Variants in LRMDA observed in about 807,000 individuals in gnomAD.
LRMDA encodes leucine rich melanocyte differentiation associated.
In LRMDA, 18 loss-of-function variants were observed where a neutral mutation model predicts 29.8. The observed-to-expected ratio is 0.60, with a 90% confidence interval of 0.42 to 0.90. LRMDA has a LOEUF of 0.90. Among genes scored for constraint, LRMDA ranks in the 40% least tolerant of loss-of-function variants. The pLI is 0.00. For synonymous variants in LRMDA, 125 were observed against 109.4 expected, an observed-to-expected ratio of 1.14 and a Z score of -0.89; for missense variants, 273 against 273.9, an observed-to-expected ratio of 1.00 and a Z score of 0.02.
At position 76,190,216 on chromosome 10, in the gene LRMDA, A is replaced by C. The variant is rs189478742; in HGVS notation, c.516+131433A>C. Reference sequence around the variant, plus strand: ...AAGTAATTAAACAATGATTACATTTAATTAAATTAGGATTTAAAAAAAAAA... The same window carrying C: ...AAGTAATTAAACAATGATTACATTTCATTAAATTAGGATTTAAAAAAAAAA... On this transcript the variant is annotated intron_variant, in intron 5 of 6. Coordinates refer to ENST00000611255, the MANE Select transcript of LRMDA (RefSeq NM_001305581.2). 7.2e-5 allele frequency among the ~76,000 whole-genome samples: 11 copies of C among 152,254 alleles called. No individual in the cohort carries two copies. The East Asian group carries it at 2.1e-3, about 29-fold the overall frequency.
At chr10:75,831,558 C>A (rs1436225567) in intron 2 of LRMDA, among the ~76,000 whole-genome samples, 3 of 152,166 alleles carry the variant, frequency 2.0e-5, no homozygotes, top group Non-Finnish European at 4.4e-5. Flanking sequence ...GTTGGTGGAT[C>A]TACCATTCTG....
chr10:76,398,565 G>A (rs1841814670), intron 6 of LRMDA, among the ~76,000 whole-genome samples: 1 of 152,128 alleles, frequency 6.6e-6, no homozygotes, highest in African/African-American at 2.4e-5. Context: ...TGCTGATTGG[G>A]CCAGAAAGAA....
chr10:75,881,945 A>T (rs1322422403), intron 2 of LRMDA, among the ~76,000 whole-genome samples: 1 of 152,216 alleles, frequency 6.6e-6, no homozygotes, highest in Non-Finnish European at 1.5e-5. Flanking sequence ...GAAAAAGGAT[A>T]TGGTGTTGTG....
chr10:76,311,422 A>G (rs966054719), intron 5 of LRMDA, among the ~76,000 whole-genome samples: 4 of 152,176 alleles, frequency 2.6e-5, no homozygotes, highest in African/African-American at 9.7e-5. Flanking sequence ...TCCATTTCAC[A>G]TTTATGACTT....
chr10:75,697,604 A>C (rs1160812620), intron 2 of LRMDA, among the ~76,000 whole-genome samples: 1 of 151,766 alleles, frequency 6.6e-6, no homozygotes, highest in Non-Finnish European at 1.5e-5. Flanking sequence ...TTAAGTCACT[A>C]ATGTCTATGG....
At chr10:75,802,206 T>C (rs1319998943) in intron 2 of LRMDA, among the ~76,000 whole-genome samples, 1 of 151,904 alleles carries the variant, frequency 6.6e-6, no homozygotes, top group African/African-American at 2.4e-5. Flanking sequence ...CGATCCTAGC[T>C]ACTGAGGAGC....
At chr10:76,118,080 A>C (rs559981399) in intron 5 of LRMDA, among the ~76,000 whole-genome samples, 1 of 152,184 alleles carries the variant, frequency 6.6e-6, no homozygotes, top group Admixed American at 6.5e-5. Context: ...TGCTTTTAGT[A>C]GGCCCTAAGG....
chr10:76,213,905 T>G lies in LRMDA; in HGVS notation c.517-110496T>G, dbSNP rs76557852. On this transcript the variant is annotated intron_variant, in intron 5 of 6. Transcript: ENST00000611255. ...TTTAAAATTTAGAGATACTCTTAAGTGGAGCAATTTTTAAAAATTAAAACT... is the reference window on the plus strand; with the variant it reads ...TTTAAAATTTAGAGATACTCTTAAGGGGAGCAATTTTTAAAAATTAAAACT... Among the ~76,000 whole-genome samples the G allele has an allele frequency of 9.5e-3, 1,453 of 152,238 alleles. 30 individuals carry two copies. The highest frequency in any genetic ancestry group is 0.031 in the African/African-American group (1,281 of 41,510).
At chr10:76,523,946 A>G (rs1843147849) in intron 6 of LRMDA, among the ~76,000 whole-genome samples, 1 of 152,214 alleles carries the variant, frequency 6.6e-6, no homozygotes, top group African/African-American at 2.4e-5. Context: ...CATTTTCTTG[A>G]TAGCCCATGT....
chr10:76,522,007 G>A (rs1446801774), intron 6 of LRMDA, among the ~76,000 whole-genome samples: 1 of 152,002 alleles, frequency 6.6e-6, no homozygotes, highest in Non-Finnish European at 1.5e-5. Context: ...TCAAACTCAA[G>A]GCCAATTATG....
intron 6 of LRMDA, among the ~76,000 whole-genome samples, chr10:76,385,753 G>A (rs1241333727): frequency 2.0e-5 from 3 of 152,072 alleles, no homozygotes; most frequent in Non-Finnish European, 4.4e-5. Flanking sequence ...ACTCTCTATA[G>A]CACTCAGGTG....
chr10:76,028,842 G>A (rs1425060550), intron 2 of LRMDA, among the ~76,000 whole-genome samples: 4 of 136,424 alleles, frequency 2.9e-5, no homozygotes, highest in African/African-American at 8.2e-5. Context: ...TTTTTGAGCC[G>A]AGTCTCACTC....
chr10:76,237,954 C>G (rs1042925732), intron 5 of LRMDA, among the ~76,000 whole-genome samples: 1 of 151,924 alleles, frequency 6.6e-6, no homozygotes, highest in Non-Finnish European at 1.5e-5. Flanking sequence ...CCACGCCTGG[C>G]TAATTTTTGT....
chr10:75,778,682 A>G (rs1464767716), intron 2 of LRMDA, among the ~76,000 whole-genome samples: 1 of 152,370 alleles, frequency 6.6e-6, no homozygotes, highest in South Asian at 2.1e-4. Context: ...ATGAACTCTC[A>G]TGAAATATTT....
intron 2 of LRMDA, among the ~76,000 whole-genome samples, chr10:75,588,666 T>C (rs922208291): frequency 1.3e-5 from 2 of 152,206 alleles, no homozygotes; most frequent in African/African-American, 2.4e-5. Context: ...TCCCATATGA[T>C]TTGAAAATTA....
intron 6 of LRMDA, among the ~76,000 whole-genome samples, chr10:76,426,120 TA>T (rs1842123463): frequency 6.6e-6 from 1 of 152,216 alleles, no homozygotes; most frequent in Admixed American, 6.5e-5. Flanking sequence ...ATATAGCCAG[TA>T]ATGGGATGGC....
chr10:75,756,997 T>C (rs148578431), intron 2 of LRMDA, among the ~76,000 whole-genome samples: 203 of 152,314 alleles, frequency 1.3e-3, no homozygotes, highest in African/African-American at 4.7e-3. Context: ...ACTTGAACTA[T>C]ATTAATGGGG....
At chr10:75,442,746 A>C (rs1387731113) in intron 2 of LRMDA, among the ~76,000 whole-genome samples, 1 of 152,044 alleles carries the variant, frequency 6.6e-6, no homozygotes, top group Non-Finnish European at 1.5e-5. Context: ...TTTGTGTCAC[A>C]TGAAATTTAG....
chr10:75,559,976 A>C (rs1305846900), intron 2 of LRMDA, among the ~76,000 whole-genome samples: 1 of 148,856 alleles, frequency 6.7e-6, no homozygotes, highest in African/African-American at 2.4e-5. Flanking sequence ...TGATGCCTCC[A>C]GCTTTGTTCT....
Sources: allele counts gnomAD v4.1 joint callset (sites outside exome capture counted in the v4.1 genomes callset), GRCh38; gene constraint gnomAD v4.1.1; transcripts MANE v1.5; gene names NCBI Gene and HGNC (gene_info 2026-07-23, HGNC 2026-07-21).